Variants in C4orf50 observed in about 807,000 individuals in gnomAD.
C4orf50 encodes chromosome 4 open reading frame 50.
Under a neutral mutation model 77.2 loss-of-function variants are expected in C4orf50, and 80 were observed. The ratio of observed to expected loss-of-function variants is 1.04; its 90% CI spans 0.87 to 1.25. The LOEUF is 1.25. Ranked by LOEUF, C4orf50 falls within the 50% of genes most tolerant of loss-of-function variation. The pLI is 0.00. For missense variants in C4orf50, 1,257 were observed against 1,152.9 expected (o/e 1.09, Z -1.31); for synonymous variants, 532 against 465.3 (o/e 1.14, Z -1.84).
At chr4:5,926,280 C>T (rs1466888886) in intron 7 of C4orf50, among the ~76,000 whole-genome samples, 2 of 152,194 alleles carry the variant, frequency 1.3e-5, no homozygotes, top group African/African-American at 2.4e-5. Flanking sequence ...GTGCTATCAC[C>T]TGCTACGGCG....
chr4:5,964,767 CAAAAAAAAAAAAA>C (rs71171498), intron 33 of C4orf50, among the ~76,000 whole-genome samples: 63 of 107,960 alleles, frequency 5.8e-4, no homozygotes, highest in Non-Finnish European at 8.5e-4. Context: ...GACTCTGTCT[CAAAAAAAAAAAAA>C]AAAAAAAAAA....
At position 6,018,088 on chromosome 4, in the gene C4orf50, T is replaced by G. The variant is rs931250311; in HGVS notation, c.287+57A>C. On this transcript the variant is annotated intron_variant, in intron 23 of 33. Transcript: ENST00000531445. The surrounding 1 kb of genome is among the most constrained non-coding windows in gnomAD (Gnocchi z 5.1). The stretch of plus-strand genomic sequence containing the variant: ...GATTCAACACACCATGGTGACACAC[T>G]CTGATGGCCCCGCGGTTTGTGAAAT... 5.0e-6 allele frequency: 2 copies of G among 397,824 alleles called. No individual in the cohort carries two copies. Among genetic ancestry groups the G allele is most frequent in the Non-Finnish European group, 8.8e-6 (2 of 226,060 alleles). The allele number at this position is 397,824 out of a possible 1,614,324, so 24.6% of individuals were successfully genotyped here. A position where few individuals can be genotyped will look rare whatever the true frequency, so the allele number is the denominator to read the frequency against.
chr4:5,988,463 G>T (rs904092494), exon 28 of C4orf50: 6 of 1,573,162 alleles, frequency 3.8e-6, no homozygotes, highest in Non-Finnish European at 4.3e-6. Context: ...ACATTTCCTT[G>T]CAGGGCATTG....
At chr4:5,968,529 G>C (rs138583676) in intron 31 of C4orf50, among the ~76,000 whole-genome samples, 44 of 152,278 alleles carry the variant, frequency 2.9e-4, no homozygotes, top group African/African-American at 1.1e-3. Context: ...CGACACTGTT[G>C]TGTCTTCAAG....
chr4:6,013,915 G>A (rs906167319), intron 23 of C4orf50, among the ~76,000 whole-genome samples: 3 of 152,066 alleles, frequency 2.0e-5, no homozygotes, highest in Admixed American at 6.6e-5. Flanking sequence ...ATACACTCAC[G>A]AATATGACAT....
At chr4:5,997,211 G>A (rs1032596774) in intron 25 of C4orf50, among the ~76,000 whole-genome samples, 13 of 152,208 alleles carry the variant, frequency 8.5e-5, no homozygotes, top group African/African-American at 3.1e-4. Flanking sequence ...AATGGTTACT[G>A]GTGGTATATT....
intron 25 of C4orf50, among the ~76,000 whole-genome samples, chr4:6,002,026 G>A (rs544584640): frequency 2.0e-5 from 3 of 152,320 alleles, no homozygotes; most frequent in Non-Finnish European, 4.4e-5. Context: ...TTGTGGAGTG[G>A]GTTGAATTGT....
downstream of C4orf50, among the ~76,000 whole-genome samples, chr4:5,952,836 T>G (rs1288081453): frequency 3.3e-5 from 5 of 152,108 alleles, no homozygotes; most frequent in African/African-American, 4.8e-5. This position sits in a 1 kb window ranked among gnomAD's most constrained non-coding sequence, Gnocchi z 4.4. Flanking sequence ...CACTCCCGCC[T>G]CCAAGAACGA....
rs1359829212 is a variant in C4orf50, at chr4:6,000,745, T to C, written c.964-6269A>G. On this transcript the variant is annotated intron_variant, in intron 25 of 33. Transcript: ENST00000531445. This position sits in a 1 kb window ranked among gnomAD's most constrained non-coding sequence, Gnocchi z 6.0. ...AAGCACACGCACCAAGTGGGTACCA[T>C]CAAATCCTGACTGTTGACCTGTTGA... Among the ~76,000 whole-genome samples the C allele has an allele frequency of 6.6e-6, 1 of 152,090 alleles. No homozygotes were observed. The highest frequency in any genetic ancestry group is 1.5e-5 in the Non-Finnish European group (1 of 68,032).
chr4:5,949,295 T>TTCA (rs1160989261), intron 7 of C4orf50, among the ~76,000 whole-genome samples: 5 of 152,094 alleles, frequency 3.3e-5, no homozygotes, highest in Non-Finnish European at 5.9e-5. Context: ...ACCACCAGGG[T>TTCA]TCACAGATTG....
intron 7 of C4orf50, among the ~76,000 whole-genome samples, chr4:5,938,339 T>A (rs1297296498): frequency 6.6e-6 from 1 of 152,190 alleles, no homozygotes; most frequent in Non-Finnish European, 1.5e-5. Flanking sequence ...AAAGGGACCA[T>A]AACAGGAATT....
chr4:5,976,455 C>T (rs1397745026), intron 29 of C4orf50, among the ~76,000 whole-genome samples: 4 of 76,050 alleles, frequency 5.3e-5, no homozygotes, highest in Non-Finnish European at 9.6e-5. Flanking sequence ...GGCTCTGTCT[C>T]GGAAAAAAAA....
intron 7 of C4orf50, among the ~76,000 whole-genome samples, chr4:5,938,801 T>C (rs3774899): frequency 0.035 from 5,314 of 152,226 alleles, 325 homozygotes; most frequent in African/African-American, 0.12. Flanking sequence ...TTTTCTTTTT[T>C]TTTTTTATCA....
chr4:5,906,671 G>A (rs1409503264), intron 7 of C4orf50, among the ~76,000 whole-genome samples: 2 of 152,170 alleles, frequency 1.3e-5, no homozygotes, highest in African/African-American at 4.8e-5. Context: ...CTCAGAACTG[G>A]GCAGAGATGG....
rs149744121 is a variant in C4orf50, at chr4:5,901,349, T to C, written c.*2475-3161A>G. 6.6e-6 allele frequency: 1 copy of C among 152,272 alleles called. No homozygotes were observed. Among genetic ancestry groups the C allele is most frequent in the East Asian group, 1.9e-4 (1 of 5,168 alleles). 9.4% of individuals were successfully genotyped at this position (152,272 alleles called of 1,614,324 possible). ...TTTTTCCATTATTGCGCACAGTAGG[T>C]GCCGAGGTGTGTATCTTATTATCTC... is the stretch of plus-strand genomic sequence containing the variant. On this transcript the variant is annotated intron_variant, in intron 7 of 7. Transcript: ENST00000324058. The surrounding 1 kb of genome is among the most constrained non-coding windows in gnomAD (Gnocchi z 4.4).
chr4:5,996,522 T>C (rs1721597045), intron 25 of C4orf50, among the ~76,000 whole-genome samples: 1 of 151,148 alleles, frequency 6.6e-6, no homozygotes, highest in Non-Finnish European at 1.5e-5. Flanking sequence ...TTGCACACTG[T>C]CTGGACCTCT....
At chr4:5,947,138 T>C (rs1363975638) in intron 7 of C4orf50, among the ~76,000 whole-genome samples, 3 of 152,180 alleles carry the variant, frequency 2.0e-5, no homozygotes, top group Non-Finnish European at 4.4e-5. Flanking sequence ...TTATTCTTTT[T>C]ATTATTTGAA....
At position 5,981,700 on chromosome 4, in the gene C4orf50, G is replaced by A. The variant is rs114193201; in HGVS notation, c.3700-1362C>T. ...GTTACAGGCATGAGCCACCATGCTC[G>A]GCCCGACATGAGCATCTTTAAGCTC... is the stretch of plus-strand genomic sequence containing the variant. On this transcript the variant is annotated intron_variant, in intron 28 of 33. Transcript: ENST00000531445. Among the ~76,000 whole-genome samples the A allele has an allele frequency of 2.8e-3, 423 of 152,224 alleles. 3 individuals are homozygous for A. Among genetic ancestry groups the A allele is most frequent in the Middle Eastern group, 0.014 (4 of 294 alleles).
At chr4:5,947,568 G>A (rs921286761) in intron 7 of C4orf50, among the ~76,000 whole-genome samples, 2 of 69,112 alleles carry the variant, frequency 2.9e-5, no homozygotes, top group African/African-American at 1.0e-4. Flanking sequence ...AACAACCCCT[G>A]AGAGGCTAGG....
Sources: gnomAD v4.1 joint callset for allele counts (sites outside exome capture counted in the v4.1 genomes callset) on GRCh38, gnomAD v4.1.1 for gene constraint, Gnocchi (gnomAD v3.1) non-coding constraint, MANE v1.5 for transcripts, NCBI Gene and HGNC (gene_info 2026-07-23, HGNC 2026-07-21) for gene names.